BAIAP2: variants seen among roughly 807,000 people sequenced by gnomAD.
BAIAP2 encodes the protein BAR/IMD domain containing adaptor protein 2.
Under a neutral mutation model 63.0 loss-of-function variants are expected in BAIAP2, and 18 were observed. That is an observed-to-expected ratio of 0.29 (90% CI 0.20 to 0.42). BAIAP2 has a LOEUF of 0.42. Among genes scored for constraint, BAIAP2 ranks in the 10% least tolerant of loss-of-function variants. The pLI is 1.00. For synonymous variants in BAIAP2, 386 were observed against 307.6 expected (o/e 1.25, Z -2.67); for missense variants, 610 against 734.3 (o/e 0.83, Z 1.96).
intron 3 of BAIAP2, among the ~76,000 whole-genome samples, chr17:81,063,096 A>G (rs990493959): frequency 2.0e-5 from 3 of 151,700 alleles, no homozygotes; most frequent in Non-Finnish European, 4.4e-5. Context: ...AGCGAGGAGG[A>G]CTGCAGGGGT....
chr17:81,073,911 C>T (rs1232236330), intron 3 of BAIAP2, among the ~76,000 whole-genome samples: 2 of 152,152 alleles, frequency 1.3e-5, no homozygotes, highest in African/African-American at 4.8e-5. Flanking sequence ...CGGTTAAGCC[C>T]GTGTATCACT....
intron 3 of BAIAP2, among the ~76,000 whole-genome samples, chr17:81,073,725 A>C (rs996421992): frequency 6.6e-6 from 1 of 152,218 alleles, no homozygotes; most frequent in African/African-American, 2.4e-5. Flanking sequence ...CTCGCAGACT[A>C]TAAGAACACG....
chr17:81,065,555 C>T (rs146321899), intron 3 of BAIAP2, among the ~76,000 whole-genome samples: 190 of 152,320 alleles, frequency 1.2e-3, no homozygotes, highest in African/African-American at 4.2e-3. Flanking sequence ...CAGTCTGCCT[C>T]ACCGACAGCT....
intron 1 of BAIAP2, among the ~76,000 whole-genome samples, chr17:81,041,474 G>C (rs2047064484): frequency 6.6e-6 from 1 of 152,226 alleles, no homozygotes; most frequent in African/African-American, 2.4e-5. Flanking sequence ...GGGTGCTTTT[G>C]CTCTTGCTTA....
chr17:81,113,515 G>A (rs556862966), intron 13 of BAIAP2, among the ~76,000 whole-genome samples: 1 of 152,200 alleles, frequency 6.6e-6, no homozygotes, highest in African/African-American at 2.4e-5. Context: ...CAGACAGCTG[G>A]GGGGTGGGGG....
intron 2 of BAIAP2, among the ~76,000 whole-genome samples, chr17:81,054,927 C>A (rs56387148): frequency 6.6e-6 from 1 of 152,256 alleles, no homozygotes; most frequent in South Asian, 2.1e-4. Flanking sequence ...TGGGGACTTG[C>A]TATTCTTGGA....
chr17:81,058,630 C>T (rs2050028545), intron 3 of BAIAP2, among the ~76,000 whole-genome samples: 1 of 152,250 alleles, frequency 6.6e-6, no homozygotes, highest in African/African-American at 2.4e-5. Context: ...TCACTTGCTG[C>T]TCCCAGAGCG....
rs920334116 is a variant in BAIAP2, at chr17:81,046,074, A to G, written c.55-7594A>G. The stretch of plus-strand genomic sequence containing the variant: ...TTCTCCCCTCGGCTGTGGGGACCCT[A>G]TTAATACTCACAGGGAGGCAGAGCT... On this transcript the variant is annotated intron_variant, in intron 1 of 13. Coordinates refer to ENST00000428708, the MANE Select transcript of BAIAP2 (RefSeq NM_001144888.2). The surrounding 1 kb of genome is among the most constrained non-coding windows in gnomAD (Gnocchi z 4.5). Among the ~76,000 whole-genome samples, 3 of 152,010 alleles carry G rather than the reference A, an allele frequency of 2.0e-5. No individual in the cohort carries two copies. Among genetic ancestry groups the G allele is most frequent in the South Asian group, 2.1e-4 (1 of 4,824 alleles).
chr17:81,075,936 ATTT>A (rs56219227), intron 3 of BAIAP2, among the ~76,000 whole-genome samples: 5 of 145,392 alleles, frequency 3.4e-5, no homozygotes, highest in Non-Finnish European at 7.5e-5. Flanking sequence ...TCTGCTGGGA[ATTT>A]TTTTTTTTTT....
intron 1 of BAIAP2, among the ~76,000 whole-genome samples, chr17:81,037,941 A>G (rs1442889649): frequency 6.6e-6 from 1 of 152,274 alleles, no homozygotes; most frequent in East Asian, 1.9e-4. Context: ...TGGTGGCTCC[A>G]TTCCCTTGGG....
rs117191561 is a variant in BAIAP2, at chr17:81,046,964, C to T, written c.55-6704C>T. On this transcript the variant is annotated intron_variant, in intron 1 of 13. Coordinates refer to ENST00000428708, the MANE Select transcript of BAIAP2 (RefSeq NM_001144888.2). This position sits in a 1 kb window ranked among gnomAD's most constrained non-coding sequence, Gnocchi z 4.5. ...GCCCCGCAGCTGCCACCGGCTTCTG[C>T]CTGTCGCGACAGAGGTGGAAGTGAG... Among the ~76,000 whole-genome samples the T allele has an allele frequency of 0.022, 3,395 of 152,328 alleles. 60 individuals are homozygous for T. Among genetic ancestry groups the T allele is most frequent in the Non-Finnish European group, 0.033 (2,235 of 68,022 alleles).
intron 3 of BAIAP2, chr17:81,076,123 G>C (rs897746371): frequency 6.6e-6 from 1 of 152,204 alleles, no homozygotes; most frequent in Non-Finnish European, 1.5e-5. Context: ...CTGCTTGGCT[G>C]GGGGGAGTGC....
At chr17:81,075,103 C>T (rs1446411104) in intron 3 of BAIAP2, among the ~76,000 whole-genome samples, 1 of 152,244 alleles carries the variant, frequency 6.6e-6, no homozygotes, top group Non-Finnish European at 1.5e-5. Context: ...GTTGTGAAGC[C>T]AGCCTCGGCT....
At chr17:81,069,943 G>GT (rs1348895826) in intron 3 of BAIAP2, among the ~76,000 whole-genome samples, 2 of 151,312 alleles carry the variant, frequency 1.3e-5, no homozygotes, top group African/African-American at 4.9e-5. Flanking sequence ...TGTTTTCTTG[G>GT]TTTTTTGTTG....
intron 6 of BAIAP2, among the ~76,000 whole-genome samples, chr17:81,097,957 G>A (rs184563852): frequency 1.1e-4 from 17 of 152,300 alleles, no homozygotes; most frequent in African/African-American, 2.6e-4. Context: ...GGTCCCAGTC[G>A]AGCCCTCCCA....
At chr17:81,104,256 C>CA in intron 9 of BAIAP2, 148 bp downstream of exon 9, 1 of 934,206 alleles carries the variant, frequency 1.1e-6, no homozygotes, top group Non-Finnish European at 1.6e-6. Flanking sequence ...GTGGTACACA[C>CA]ACGTGTGCCT....
At chr17:81,085,526 G>A (rs1233317666) in intron 4 of BAIAP2, 128 bp from the exon 5 acceptor site, 7 of 765,510 alleles carry the variant, frequency 9.1e-6, no homozygotes, top group Non-Finnish European at 1.4e-5. Context: ...CAGTCAGGGG[G>A]AGGGGGCCCC....
intron 6 of BAIAP2, among the ~76,000 whole-genome samples, chr17:81,095,388 C>A (rs894013747): frequency 6.6e-6 from 1 of 152,146 alleles, no homozygotes; most frequent in African/African-American, 2.4e-5. Context: ...CAGTGCTGGC[C>A]GCCACCTCCT....
At chr17:81,089,876 G>A (rs2056412538) in intron 6 of BAIAP2, among the ~76,000 whole-genome samples, 1 of 152,156 alleles carries the variant, frequency 6.6e-6, no homozygotes, top group Non-Finnish European at 1.5e-5. Flanking sequence ...GGTGAGGGTG[G>A]CCCAGCAGCC....
Sources: allele counts gnomAD v4.1 joint callset (sites outside exome capture counted in the v4.1 genomes callset), GRCh38; gene constraint gnomAD v4.1.1; non-coding constraint Gnocchi (gnomAD v3.1); transcripts MANE v1.5; gene names NCBI Gene and HGNC (gene_info 2026-07-23, HGNC 2026-07-21).